The following NAV3 variants were observed in gnomAD, a reference collection of about 807,000 sequenced individuals.
NAV3 encodes the protein neuron navigator 3, also known as pore membrane and/or filament interacting like protein 1.
Under a neutral mutation model 244.7 loss-of-function variants are expected in NAV3, and 87 were observed. The observed-to-expected ratio is 0.36, with a 90% CI of 0.30 to 0.42. NAV3 has a LOEUF of 0.42. Among genes scored for constraint, NAV3 ranks in the 20% least tolerant of loss-of-function variants. NAV3 has a pLI of 1.00. For synonymous variants in NAV3, 1,126 were observed against 1,042.2 expected (o/e 1.08, Z -1.55); for missense variants, 2,663 against 2,893.3 (o/e 0.92, Z 1.83).
At chr12:77,754,291 T>C (rs1358228) in intron 2 of NAV3, among the ~76,000 whole-genome samples, 80,035 of 151,828 alleles carry the variant, frequency 0.53, 21,949 homozygotes, top group African/African-American at 0.69. Context: ...CCAGTGTTGA[T>C]GAGACTAATT....
intron 2 of NAV3, among the ~76,000 whole-genome samples, chr12:77,650,420 G>C (rs985871114): frequency 6.6e-5 from 10 of 152,072 alleles, no homozygotes; most frequent in Non-Finnish European, 1.3e-4. Context: ...AAAAATCTCT[G>C]ATTGCCACTT....
chr12:78,205,255 T>C (rs1960171712), intron 39 of NAV3, 117 bp downstream of exon 39: 3 of 1,101,422 alleles, frequency 2.7e-6, no homozygotes, highest in Non-Finnish European at 3.8e-6. Flanking sequence ...GGAACAGTTT[T>C]AACCCTATTA....
rs374261107 is a variant in NAV3, at chr12:78,199,552, A to G, written c.6715+21A>G. The G allele has an allele frequency of 5.8e-6, 9 of 1,538,662 alleles. No individual in the cohort carries two copies. In the East Asian group the frequency reaches 7.0e-5, roughly 12 times the overall value. On this transcript the variant is annotated intron_variant, in intron 37 of 39. Transcript: ENST00000397909. ...CATTGGTGAGTTCCAAAATTATAAT[A>G]TGCCATTTTCCAGGAACTAACAGTG...
intron 16 of NAV3, among the ~76,000 whole-genome samples, chr12:78,126,688 G>A (rs1222573618): frequency 3.9e-5 from 6 of 151,982 alleles, no homozygotes; most frequent in Non-Finnish European, 8.8e-5. Flanking sequence ...TGTATAAATG[G>A]GAAATAAACA....
chr12:77,802,586 G>C (rs1055547015), intron 2 of NAV3, among the ~76,000 whole-genome samples: 2 of 152,204 alleles, frequency 1.3e-5, no homozygotes, highest in Non-Finnish European at 2.9e-5. Context: ...AAATTCTAGA[G>C]TAATGTAAGC....
intron 1 of NAV3, among the ~76,000 whole-genome samples, chr12:77,889,511 A>G (rs1040619289): frequency 1.3e-5 from 2 of 152,332 alleles, no homozygotes; most frequent in Non-Finnish European, 1.5e-5. Flanking sequence ...CTGGACAATT[A>G]ATGGAAATGT....
At chr12:77,572,996 G>A (rs758456209) in intron 2 of NAV3, among the ~76,000 whole-genome samples, 4 of 152,146 alleles carry the variant, frequency 2.6e-5, no homozygotes, top group South Asian at 2.1e-4. Context: ...TAGAGATGGC[G>A]TCTAGGAGAG....
chr12:78,093,295 C>A (rs1307201044), intron 12 of NAV3, among the ~76,000 whole-genome samples: 1 of 152,158 alleles, frequency 6.6e-6, no homozygotes, highest in African/African-American at 2.4e-5. Flanking sequence ...GATAATTACT[C>A]ATCTATCTTT....
chr12:77,744,251 G>A (rs570223831), intron 2 of NAV3, among the ~76,000 whole-genome samples: 51 of 152,042 alleles, frequency 3.4e-4, no homozygotes, highest in Admixed American at 8.5e-4. Flanking sequence ...CAGAGAATGC[G>A]GAAGTAGACC....
At chr12:77,651,415 C>G (rs532256277) in intron 2 of NAV3, among the ~76,000 whole-genome samples, 1 of 152,086 alleles carries the variant, frequency 6.6e-6, no homozygotes, top group South Asian at 2.1e-4. Flanking sequence ...AATATTTTCC[C>G]GTGCCTTTTT....
rs761857372 is a variant in NAV3, at chr12:78,210,439, G to A, written c.7080G>A (p.Ser2360=). The stretch of plus-strand genomic sequence containing the variant: ...AACTCCAAGAAGCAGCCAATTACTC[G>A]AGCACACAAAGCTGCGACAGCGAAA... ...LMKLQEAANY[S]STQSCDSEST... is the part of the protein sequence containing the mutation. Residue 2360 remains serine, a synonymous_variant, in exon 40 of 40, where the codon TCG becomes TCA. Coordinates refer to ENST00000397909, the MANE Select transcript of NAV3 (RefSeq NM_001024383.2). 6.8e-6 allele frequency: 11 copies of A among 1,613,484 alleles called. No individual in the cohort carries two copies. The highest frequency in any genetic ancestry group is 4.5e-5 in the East Asian group (2 of 44,818).
At chr12:77,616,555 AG>A (rs1871150054) in intron 2 of NAV3, among the ~76,000 whole-genome samples, 1 of 152,080 alleles carries the variant, frequency 6.6e-6, no homozygotes, top group Admixed American at 6.6e-5. Context: ...CCAGTGAGGT[AG>A]GGGGGACCAG....
chr12:77,992,834 A>G (rs1224492282), intron 5 of NAV3, among the ~76,000 whole-genome samples: 1 of 152,232 alleles, frequency 6.6e-6, no homozygotes, highest in Non-Finnish European at 1.5e-5. Context: ...CTGGAATGCC[A>G]TAATGCCTGG....
At chr12:77,697,305 A>G (rs926410061) in intron 2 of NAV3, among the ~76,000 whole-genome samples, 3 of 152,122 alleles carry the variant, frequency 2.0e-5, no homozygotes, top group African/African-American at 7.2e-5. Context: ...GTAGTGGGGC[A>G]TCTGCCAACA....
At chr12:78,205,961 A>G (rs1190604679) in intron 39 of NAV3, among the ~76,000 whole-genome samples, 1 of 152,094 alleles carries the variant, frequency 6.6e-6, no homozygotes, top group Non-Finnish European at 1.5e-5. Flanking sequence ...GGCTATACCT[A>G]AGGATATAAA....
rs768831840 is a variant in NAV3, at chr12:78,128,888, A to AT, written c.4441+26dup. 3.7e-6 allele frequency: 6 copies of AT among 1,607,684 alleles called. No homozygotes were observed. In the African/African-American group the frequency reaches 6.7e-5, roughly 18 times the overall value. On this transcript the variant is annotated intron_variant, in intron 18 of 39. Coordinates refer to ENST00000397909, the MANE Select transcript of NAV3 (RefSeq NM_001024383.2). Reference sequence around the variant, plus strand: ...TTGGGTAAAATATTCTAAAATATTGATTTTGTTTTGTTTCTTTCACCACCC... The same window carrying AT: ...TTGGGTAAAATATTCTAAAATATTGATTTTTGTTTTGTTTCTTTCACCACCC...
At chr12:77,963,729 G>T (rs2731423) in intron 3 of NAV3, among the ~76,000 whole-genome samples, 132,426 of 152,140 alleles carry the variant, frequency 0.87, 57,709 homozygotes, top group East Asian at 0.98. Flanking sequence ...CATAATGAAT[G>T]ACTATAAAAG....
intron 2 of NAV3, among the ~76,000 whole-genome samples, chr12:77,667,962 C>G (rs947625952): frequency 2.0e-5 from 3 of 152,210 alleles, no homozygotes; most frequent in Non-Finnish European, 2.9e-5. Flanking sequence ...GAAGACAGAT[C>G]ACATCACAGC....
At chr12:77,619,251 G>A (rs1871265446) in intron 2 of NAV3, among the ~76,000 whole-genome samples, 1 of 152,092 alleles carries the variant, frequency 6.6e-6, no homozygotes, top group African/African-American at 2.4e-5. Flanking sequence ...GTTTATTAAT[G>A]CTATCGGAAG....
Sources: allele counts gnomAD v4.1 joint callset (sites outside exome capture counted in the v4.1 genomes callset), GRCh38; gene constraint gnomAD v4.1.1; transcripts MANE v1.5; gene names NCBI Gene and HGNC (gene_info 2026-07-23, HGNC 2026-07-21).